Variants in GSTM2 observed in about 807,000 individuals in gnomAD.
GSTM2 encodes the protein glutathione S-transferase mu 2.
GSTM2 carries 33 observed loss-of-function variants against 33.3 expected under a neutral mutation model. The ratio of observed to expected loss-of-function variants is 0.99; its 90% CI spans 0.75 to 1.33. GSTM2 has a LOEUF of 1.33. Ranked by LOEUF, GSTM2 falls within the 40% of genes most tolerant of loss-of-function variation. The pLI is 0.00. For synonymous variants in GSTM2, 93 were observed against 95.6 expected (o/e 0.97, Z 0.16); for missense variants, 213 against 265.8 (o/e 0.80, Z 1.38).
chr1:109,680,048 G>A (rs1418411798), downstream of GSTM2, among the ~76,000 whole-genome samples: 2 of 151,902 alleles, frequency 1.3e-5, no homozygotes, highest in African/African-American at 2.4e-5. Context: ...TAACACCATC[G>A]CCTCCCACCC....
At chr1:109,673,512 A>C (rs1239470293) in intron 7 of GSTM2, 1 of 453,914 alleles carries the variant, frequency 2.2e-6, no homozygotes, top group Non-Finnish European at 4.1e-6. Context: ...GCTAGTTCCC[A>C]TCAGCTCTGG....
At chr1:109,668,833 A>C in intron 2 of GSTM2, 92 bp from the exon 3 acceptor site, 1 of 1,430,908 alleles carries the variant, frequency 7.0e-7, no homozygotes, top group South Asian at 1.1e-5. Context: ...CACCTGTCTC[A>C]GGGGTCTTGC....
In GSTM2 at chr1:109,674,826, G is replaced by A. The variant is rs1570631107; in HGVS notation, c.647G>A (p.Gly216Asp). 6.2e-7 allele frequency: 1 copy of A among 1,614,190 alleles called. No homozygotes were observed. Among genetic ancestry groups the A allele is most frequent in the East Asian group, 2.2e-5 (1 of 44,882 alleles). Residue 216 changes from glycine (G) to aspartate (D), a missense_variant, in exon 8 of 8, where the codon GGC (glycine) becomes GAC (aspartate). By Grantham distance (94) the Gly-to-Asp change is moderately conservative. Transcript: ENST00000241337. Reference protein sequence around the residue: ...RPVFTKMAVWGNK With the variant: ...RPVFTKMAVWDNK Reference sequence around the variant, plus strand: ...GTGTTCACAAAGATGGCTGTCTGGGGCAACAAGTAGGGCCTTGAAGGCCAG... The same window carrying A: ...GTGTTCACAAAGATGGCTGTCTGGGACAACAAGTAGGGCCTTGAAGGCCAG...
chr1:109,679,100 G>A (rs967168026), downstream of GSTM2, among the ~76,000 whole-genome samples: 12 of 151,800 alleles, frequency 7.9e-5, no homozygotes, highest in East Asian at 1.9e-4. Context: ...CAAGGTACAC[G>A]GATCATTCTG....
At position 109,671,568 on chromosome 1, in the gene GSTM2, C is replaced by A. The variant is rs1557958959; in HGVS notation, c.552C>A (p.Phe184Leu). The A allele has an allele frequency of 6.3e-7, 1 of 1,596,796 alleles. No individual in the cohort carries two copies. Residue 184 changes from phenylalanine (F) to leucine (L), a missense_variant, in exon 7 of 8, where the codon TTC becomes TTA. Transcript: ENST00000241337. ...ATGCCTTCCCAAACCTGAAGGACTT[C>A]ATCTCCCGATTTGAGGTGATGCCCC... is the stretch of plus-strand genomic sequence containing the variant. ...CLDAFPNLKD[F>L]ISRFEGLEKI...
In GSTM2 at chr1:109,668,311, G is replaced by C. The variant is rs964999899; in HGVS notation, c.37-114G>C. Reference sequence around the variant, plus strand: ...CTGTGCGTGTGGCTGGGCGTGCGGGGTGGGGGCGGGTGAGGCAGGAACGAG... The same window carrying C: ...CTGTGCGTGTGGCTGGGCGTGCGGGCTGGGGGCGGGTGAGGCAGGAACGAG... On this transcript the variant is annotated intron_variant, in intron 1 of 7. Coordinates refer to ENST00000241337, the MANE Select transcript of GSTM2 (RefSeq NM_000848.4). The C allele has an allele frequency of 2.2e-6, 3 of 1,379,558 alleles. No homozygotes were observed. In the South Asian group the frequency reaches 3.5e-5, roughly 16 times the overall value. The allele number at this position is 1,379,558 out of a possible 1,614,324, so 85.5% of individuals were successfully genotyped here. A position where few individuals can be genotyped will look rare whatever the true frequency, so the allele number is the denominator to read the frequency against.
At chr1:109,673,119 C>G (rs1647604157) in intron 7 of GSTM2, 1 of 1,555,826 alleles carries the variant, frequency 6.4e-7, no homozygotes, top group African/African-American at 1.3e-5. Flanking sequence ...ATCCACCCAC[C>G]TCAGCCTCCC....
chr1:109,676,308 G>A (rs547936611), downstream of GSTM2, among the ~76,000 whole-genome samples: 1 of 152,262 alleles, frequency 6.6e-6, no homozygotes, highest in South Asian at 2.1e-4. Context: ...CTGGTGAGTA[G>A]GTCGATGCCA....
chr1:109,671,625 T>A (rs956425312), intron 7 of GSTM2, 42 bp downstream of exon 7: 1 of 1,067,146 alleles, frequency 9.4e-7, no homozygotes, highest in Non-Finnish European at 1.5e-6. Context: ...CTCTTATTCC[T>A]TTCCCTCCTT....
Position 109,668,085 on chromosome 1 carries a change from C to A in GSTM2, c.-31C>A. ...AACGCTGAGCCCCGCCCCGCTGAGGCCTGTCTGCAGAATCCACAGCAACCA... is the reference window on the plus strand; with the variant it reads ...AACGCTGAGCCCCGCCCCGCTGAGGACTGTCTGCAGAATCCACAGCAACCA... On this transcript the variant is annotated 5_prime_UTR_variant, in exon 1 of 8. Transcript: ENST00000241337. The A allele has an allele frequency of 6.2e-7, 1 of 1,612,654 alleles. No homozygotes were observed. Among genetic ancestry groups the A allele is most frequent in the Non-Finnish European group, 8.5e-7 (1 of 1,178,630 alleles).
In GSTM2 at chr1:109,668,508, C is replaced by A; in HGVS notation, c.112+8C>A. On this transcript the variant is annotated splice_region_variant and intron_variant, in intron 2 of 7. Coordinates refer to ENST00000241337, the MANE Select transcript of GSTM2 (RefSeq NM_000848.4). ...AGTACACGATGGGGGACGGTAATGG[C>A]ACCCTCGAGTCTGGGCCCTGCCCCC... 1 of 1,613,866 alleles carries A rather than the reference C, an allele frequency of 6.2e-7. No homozygotes were observed. The highest frequency in any genetic ancestry group is 8.5e-7 in the Non-Finnish European group (1 of 1,179,710).
At position 109,672,838 on chromosome 1, in the gene GSTM2, C is replaced by G. The variant is rs1208717634; in HGVS notation, c.567+1255C>G. ...GTTGAAGGAGCTTATGCTGAAATGC[C>G]CTGTGCTGGAGCACTTTCCTTCTCT... On this transcript the variant is annotated intron_variant, in intron 7 of 7. Coordinates refer to ENST00000241337, the MANE Select transcript of GSTM2 (RefSeq NM_000848.4). 2.6e-5 allele frequency among the ~76,000 whole-genome samples: 4 copies of G among 151,070 alleles called. No individual in the cohort carries two copies. The East Asian group carries it at 5.8e-4, about 22-fold the overall frequency.
At chr1:109,672,077 C>T (rs919088952) in intron 7 of GSTM2, among the ~76,000 whole-genome samples, 3 of 148,774 alleles carry the variant, frequency 2.0e-5, no homozygotes, top group Admixed American at 1.3e-4. Context: ...GTCGGGAGTT[C>T]GAGACCAGCC....
At chr1:109,671,016 C>G (rs1647516738) in intron 5 of GSTM2, 2 of 446,862 alleles carry the variant, frequency 4.5e-6, no homozygotes, top group South Asian at 6.4e-5. Context: ...TGGGGCTGAC[C>G]CAGAGGTTGT....
chr1:109,673,329 T>G, intron 7 of GSTM2: 1 of 1,545,350 alleles, frequency 6.5e-7, no homozygotes, highest in East Asian at 2.3e-5. Context: ...TGGAAATGAG[T>G]GCAGTGAGAG....
downstream of GSTM2, among the ~76,000 whole-genome samples, chr1:109,678,513 G>A (rs189634400): frequency 4.6e-5 from 7 of 152,234 alleles, no homozygotes; most frequent in Admixed American, 4.6e-4. Context: ...TTGGGAGGCC[G>A]AGGGGGCAGA....
At chr1:109,669,709 A>G in intron 5 of GSTM2, 138 bp downstream of exon 5, 1 of 631,064 alleles carries the variant, frequency 1.6e-6, no homozygotes, top group East Asian at 2.7e-5. Flanking sequence ...CCGCGGTCCT[A>G]CACGGTGAGT....
At chr1:109,677,788 T>TA (rs1269384495), downstream of GSTM2, among the ~76,000 whole-genome samples, 1 of 152,204 alleles carries the variant, frequency 6.6e-6, no homozygotes, top group East Asian at 1.9e-4. Context: ...GTATGTATCT[T>TA]ACACTTCAAT....
At chr1:109,669,172 T>G in intron 3 of GSTM2, 118 bp from the exon 4 acceptor site, 4 of 1,325,060 alleles carry the variant, frequency 3.0e-6, no homozygotes, top group Non-Finnish European at 4.4e-6. Flanking sequence ...GTGACAGTAT[T>G]TCTATCTCAG....
Sources: allele counts gnomAD v4.1 joint callset (sites outside exome capture counted in the v4.1 genomes callset), GRCh38; gene constraint gnomAD v4.1.1; transcripts MANE v1.5; gene names NCBI Gene and HGNC (gene_info 2026-07-23, HGNC 2026-07-21).